The following MELK variants were observed in gnomAD, a reference collection of about 807,000 sequenced individuals.
MELK encodes pEg3 kinase.
In MELK, 81 loss-of-function variants were observed where a neutral mutation model predicts 85.0. The observed-to-expected ratio is 0.95, with a 90% CI of 0.80 to 1.15. The LOEUF (loss-of-function observed/expected upper bound fraction) is 1.15, where lower values mean the gene tolerates loss of function less well. Ranked by LOEUF, MELK falls within the 50% of genes most tolerant of loss-of-function variation. The pLI, the probability that MELK is intolerant of heterozygous loss-of-function variation, is 0.00. For missense variants in MELK, 754 were observed against 777.5 expected (o/e 0.97, Z 0.36); for synonymous variants, 252 against 265.0 (o/e 0.95, Z 0.48).
At chr9:36,575,322 C>G (rs1821548594) in intron 1 of MELK, among the ~76,000 whole-genome samples, 1 of 152,172 alleles carries the variant, frequency 6.6e-6, no homozygotes, top group African/African-American at 2.4e-5. Context: ...TTGGGTTACT[C>G]TGTTCTCAAG....
intron 2 of MELK, among the ~76,000 whole-genome samples, chr9:36,582,204 G>A (rs917017980): frequency 6.6e-6 from 1 of 151,942 alleles, no homozygotes; most frequent in African/African-American, 2.4e-5. Flanking sequence ...TCCTGACCTC[G>A]TGATCCACCC....
chr9:36,632,091 C>A (rs995246112), intron 9 of MELK, among the ~76,000 whole-genome samples: 1 of 152,224 alleles, frequency 6.6e-6, no homozygotes, highest in African/African-American at 2.4e-5. Context: ...ATCAAAATTA[C>A]CCCGGGCTTG....
At chr9:36,654,347 G>GTTT (rs1831008918) in intron 12 of MELK, among the ~76,000 whole-genome samples, 2 of 89,340 alleles carry the variant, frequency 2.2e-5, no homozygotes, top group Non-Finnish European at 2.3e-5. Context: ...ACATTGGATT[G>GTTT]TCTTTTTTTT....
At position 36,636,790 on chromosome 9, in the gene MELK, GTCTTTCTTTCTT is replaced by G. The variant is rs1318766048; in HGVS notation, c.834+3594_834+3605del. Reference sequence around the variant, plus strand: ...TTTCTTTCTTTCTTTCTTTCTGTCTGTCTTTCTTTCTTTCTGTCTTTCTTTCTTTCTGTCTTT... The same window carrying G: ...TTTCTTTCTTTCTTTCTTTCTGTCTGTCTGTCTTTCTTTCTTTCTGTCTTT... On this transcript the variant is annotated intron_variant, in intron 10 of 17. Transcript: ENST00000298048. Among the ~76,000 whole-genome samples the G allele has an allele frequency of 3.0e-4, 20 of 67,688 alleles. No homozygotes were observed. The South Asian group carries it at 5.7e-3, about 19-fold the overall frequency. 44.4% of individuals were successfully genotyped at this position (67,688 alleles called of 152,430 possible).
intron 10 of MELK, among the ~76,000 whole-genome samples, chr9:36,633,926 A>T (rs1828875337): frequency 6.6e-6 from 1 of 152,238 alleles, no homozygotes; most frequent in Non-Finnish European, 1.5e-5. Flanking sequence ...ACAGTTTCTG[A>T]TAGCCCATTA....
At chr9:36,669,701 C>T (rs1402197239) in intron 15 of MELK, among the ~76,000 whole-genome samples, 4 of 152,142 alleles carry the variant, frequency 2.6e-5, no homozygotes, top group African/African-American at 9.7e-5. Flanking sequence ...CCCATCTTAC[C>T]CTTCTCTTCT....
At chr9:36,593,430 G>C (rs1376218259) in intron 4 of MELK, among the ~76,000 whole-genome samples, 1 of 152,096 alleles carries the variant, frequency 6.6e-6, no homozygotes, top group African/African-American at 2.4e-5. Context: ...TCCACCATAT[G>C]AGAATACATA....
In MELK at chr9:36,584,818, A is replaced by G. The variant is rs1342889397; in HGVS notation, c.144+1106A>G. Reference sequence around the variant, plus strand: ...CTGCAGCCTGTACCTGCTGGGCTTAAGTGATCCTCCCACCTCAGCCTCCTG... The same window carrying G: ...CTGCAGCCTGTACCTGCTGGGCTTAGGTGATCCTCCCACCTCAGCCTCCTG... On this transcript the variant is annotated intron_variant, in intron 3 of 17. Coordinates refer to ENST00000298048, the MANE Select transcript of MELK (RefSeq NM_014791.4). 3.3e-5 allele frequency among the ~76,000 whole-genome samples: 5 copies of G among 150,962 alleles called. No individual in the cohort carries two copies. In the South Asian group the frequency reaches 6.3e-4, roughly 19 times the overall value.
chr9:36,606,537 T>C (rs1286477031), intron 7 of MELK, among the ~76,000 whole-genome samples: 2 of 134,998 alleles, frequency 1.5e-5, no homozygotes, highest in East Asian at 4.2e-4. Context: ...TAATATATAA[T>C]ATATACATAT....
At chr9:36,657,631 G>C (rs1831382395) in intron 13 of MELK, among the ~76,000 whole-genome samples, 1 of 152,006 alleles carries the variant, frequency 6.6e-6, no homozygotes, top group Non-Finnish European at 1.5e-5. Flanking sequence ...TGCTCTGTTG[G>C]CCAGGCTGGA....
At chr9:36,604,726 C>A (rs1587400023) in intron 7 of MELK, among the ~76,000 whole-genome samples, 1 of 151,528 alleles carries the variant, frequency 6.6e-6, no homozygotes, top group East Asian at 2.0e-4. Flanking sequence ...TCACTGCAAC[C>A]TCCACCTCCC....
chr9:36,664,061 G>A (rs747070974), intron 13 of MELK, among the ~76,000 whole-genome samples: 9 of 151,834 alleles, frequency 5.9e-5, no homozygotes, highest in Admixed American at 1.3e-4. Context: ...GAGTTATTTC[G>A]GATTTATATT....
chr9:36,591,645 G>C (rs1363024054), intron 4 of MELK, among the ~76,000 whole-genome samples: 1 of 151,068 alleles, frequency 6.6e-6, no homozygotes, highest in Non-Finnish European at 1.5e-5. Context: ...AGGTACAAGA[G>C]AGTGGCCGGG....
At chr9:36,627,524 CTTTTTTT>C (rs150933274) in intron 8 of MELK, among the ~76,000 whole-genome samples, 17 of 134,508 alleles carry the variant, frequency 1.3e-4, no homozygotes, top group East Asian at 8.4e-4. Flanking sequence ...CTCTCTCTCT[CTTTTTTT>C]TTTTTTTTTT....
intron 13 of MELK, among the ~76,000 whole-genome samples, chr9:36,664,089 ATTTC>A (rs763997096): frequency 1.1e-4 from 17 of 151,914 alleles, no homozygotes; most frequent in Non-Finnish European, 2.2e-4. Context: ...AAATATCTCT[ATTTC>A]TTTTATTCTG....
chr9:36,661,704 A>G (rs774448558), intron 13 of MELK, among the ~76,000 whole-genome samples: 19 of 152,214 alleles, frequency 1.2e-4, no homozygotes, highest in Non-Finnish European at 2.5e-4. Flanking sequence ...TGGGAGGCCA[A>G]GGTGGGTGGA....
At position 36,607,692 on chromosome 9, in the gene MELK, A is replaced by G. The variant is rs73436987; in HGVS notation, c.666+19A>G. The G allele has an allele frequency of 7.1e-3, 10,770 of 1,518,492 alleles. 544 individuals carry two copies. The African/African-American group carries it at 0.12, about 16-fold the overall frequency. The allele number at this position is 1,518,492 out of a possible 1,614,324, so 94.1% of individuals were successfully genotyped here. On this transcript the variant is annotated intron_variant, in intron 8 of 17. Coordinates refer to ENST00000298048, the MANE Select transcript of MELK (RefSeq NM_014791.4). ...GATTATGGTGAGTATTACAAGGCAT[A>G]GAATTTCAATGTAGAACTTTTCTAT...
At chr9:36,614,785 A>C (rs1327349332) in intron 8 of MELK, among the ~76,000 whole-genome samples, 56 of 135,094 alleles carry the variant, frequency 4.1e-4, no homozygotes, top group Admixed American at 2.6e-3. Flanking sequence ...ATCCCAAGGC[A>C]GAGGAATTTT....
At chr9:36,612,493 C>T (rs1826154264) in intron 8 of MELK, among the ~76,000 whole-genome samples, 1 of 152,196 alleles carries the variant, frequency 6.6e-6, no homozygotes, top group African/African-American at 2.4e-5. Flanking sequence ...TCAAGCAATT[C>T]TCCTGCCTCA....
Sources: gnomAD v4.1 joint callset for allele counts (sites outside exome capture counted in the v4.1 genomes callset) on GRCh38, gnomAD v4.1.1 for gene constraint, MANE v1.5 for transcripts, NCBI Gene and HGNC (gene_info 2026-07-23, HGNC 2026-07-21) for gene names.